ELF3: variants seen among roughly 807,000 people sequenced by gnomAD.
The protein encoded by ELF3 is E74 like ETS transcription factor 3.
A neutral mutation model predicts 43.9 loss-of-function variants in ELF3; 18 were observed. The ratio of observed to expected loss-of-function variants is 0.41; its 90% CI spans 0.28 to 0.61. The LOEUF is 0.61. Among genes scored for constraint, ELF3 ranks in the 20% least tolerant of loss-of-function variants. ELF3 has a pLI of 0.30. For missense variants in ELF3, 373 were observed against 487.7 expected, an observed-to-expected ratio of 0.76 and a Z score of 2.21; for synonymous variants, 181 against 190.2, an observed-to-expected ratio of 0.95 and a Z score of 0.40.
At position 202,012,938 on chromosome 1, in the gene ELF3, GC is replaced by G. The variant is rs570301487; in HGVS notation, c.599-3del. ...CCGGCAGGGGACTTACTCTGACCCCGCCCCCCAGGGACTGGTGCTTCTCGGA... is the reference window on the plus strand; with the variant it reads ...CCGGCAGGGGACTTACTCTGACCCCGCCCCCAGGGACTGGTGCTTCTCGGA... On this transcript the variant is annotated splice_region_variant and splice_polypyrimidine_tract_variant and intron_variant, in intron 5 of 8. Transcript: ENST00000367284. The surrounding 1 kb of genome is among the most constrained non-coding windows in gnomAD (Gnocchi z 4.2). The G allele has an allele frequency of 7.2e-3, 11,515 of 1,604,608 alleles. 53 individuals carry two copies. Among genetic ancestry groups the G allele is most frequent in the Non-Finnish European group, 8.7e-3 (10,223 of 1,175,668 alleles).
chr1:202,016,353 A>G lies in ELF3; in HGVS notation c.*1030A>G, dbSNP rs1684309604. ...GTCCTGTTTAGGACTGATTTTTCCT[A>G]TTAGGCTAGGGTTTGGACCTGATGT... On this transcript the variant is annotated 3_prime_UTR_variant, in exon 9 of 9. Coordinates refer to ENST00000367284, the MANE Select transcript of ELF3 (RefSeq NM_004433.5). The G allele has an allele frequency of 6.6e-6, 1 of 152,148 alleles. No individual in the cohort carries two copies. The highest frequency in any genetic ancestry group is 1.9e-4 in the East Asian group (1 of 5,192). 9.4% of individuals were successfully genotyped at this position (152,148 alleles called of 1,614,324 possible).
Position 202,015,496 on chromosome 1 carries a change from A to G in ELF3, c.*173A>G, listed in dbSNP as rs576633756. ...GCCATCGTCCTGGGACTCGGAGACT[A>G]TGGCCTCGCCTCCCCACCCTCCTCT... is the stretch of plus-strand genomic sequence containing the variant. On this transcript the variant is annotated 3_prime_UTR_variant, in exon 9 of 9. Transcript: ENST00000367284. 2.3e-5 allele frequency: 15 copies of G among 646,066 alleles called. No individual in the cohort carries two copies. The highest frequency in any genetic ancestry group is 8.4e-5 in the East Asian group (3 of 35,814). The allele number at this position is 646,066 out of a possible 1,614,324, so 40.0% of individuals were successfully genotyped here.
chr1:202,012,676 AC>A lies in ELF3; in HGVS notation c.516del (p.Asp172GlufsTer82). 1 of 1,609,206 alleles carries A rather than the reference AC, an allele frequency of 6.2e-7. No homozygotes were observed. The highest frequency in any genetic ancestry group is 8.5e-7 in the Non-Finnish European group (1 of 1,177,894). ...GSPFAQELLD[D>X]GQQASPYHPG... ...CCCTTTGCCCAGGAGCTGCTGGACG[AC>A]GGTCAGCAAGCCAGCCCCTACCACC... On this transcript the variant is annotated frameshift_variant, in exon 5 of 9. Coordinates refer to ENST00000367284, the MANE Select transcript of ELF3 (RefSeq NM_004433.5). LOFTEE classifies it high-confidence loss of function. This position sits in a 1 kb window ranked among gnomAD's most constrained non-coding sequence, Gnocchi z 4.2.
At position 202,013,428 on chromosome 1, in the gene ELF3, C is replaced by A; in HGVS notation, c.805+130C>A. ...GCATGGCCTTTGGTAAGGCTGTGCACAAGCTGGGGGCTCTATGGTATCGGT... is the reference window on the plus strand; with the variant it reads ...GCATGGCCTTTGGTAAGGCTGTGCAAAAGCTGGGGGCTCTATGGTATCGGT... On this transcript the variant is annotated intron_variant, in intron 7 of 8. Transcript: ENST00000367284. This position sits in a 1 kb window ranked among gnomAD's most constrained non-coding sequence, Gnocchi z 5.7. 3 of 912,802 alleles carry A rather than the reference C, an allele frequency of 3.3e-6. No individual in the cohort carries two copies. The highest frequency in any genetic ancestry group is 5.1e-6 in the Non-Finnish European group (3 of 586,804). 56.5% of individuals were successfully genotyped at this position (912,802 alleles called of 1,614,324 possible). A position where few individuals can be genotyped will look rare whatever the true frequency, so the allele number is the denominator to read the frequency against.
At position 202,015,536 on chromosome 1, in the gene ELF3, C is replaced by T; in HGVS notation, c.*213C>T. On this transcript the variant is annotated 3_prime_UTR_variant, in exon 9 of 9. Transcript: ENST00000367284. ...CACCCTCCTCTTGGAATTACAAGCC[C>T]TGGGGTTTGAAGCTGACTTTATAGC... is the stretch of plus-strand genomic sequence containing the variant. 1 of 570,462 alleles carries T rather than the reference C, an allele frequency of 1.8e-6. No individual in the cohort carries two copies. Among genetic ancestry groups the T allele is most frequent in the Non-Finnish European group, 3.1e-6 (1 of 319,228 alleles). The allele number at this position is 570,462 out of a possible 1,614,324, so 35.3% of individuals were successfully genotyped here. A position where few individuals can be genotyped will look rare whatever the true frequency, so the allele number is the denominator to read the frequency against.
chr1:202,012,466 A>G lies in ELF3; in HGVS notation c.478+30A>G, dbSNP rs1684225105. 6.2e-7 allele frequency: 1 copy of G among 1,611,168 alleles called. No homozygotes were observed. Among genetic ancestry groups the G allele is most frequent in the Admixed American group, 1.7e-5 (1 of 59,746 alleles). ...GAACCCGTTTTCTCCTTCCTTCCCC[A>G]GCCTGTCTTGTCCCATCCCTGCCCC... On this transcript the variant is annotated intron_variant, in intron 4 of 8. Coordinates refer to ENST00000367284, the MANE Select transcript of ELF3 (RefSeq NM_004433.5). This position sits in a 1 kb window ranked among gnomAD's most constrained non-coding sequence, Gnocchi z 4.2.
Position 202,015,702 on chromosome 1 carries a change from G to T in ELF3, c.*379G>T. 1 of 228,758 alleles carries T rather than the reference G, an allele frequency of 4.4e-6. No homozygotes were observed. Among genetic ancestry groups the T allele is most frequent in the South Asian group, 8.1e-5 (1 of 12,416 alleles). 14.2% of individuals were successfully genotyped at this position (228,758 alleles called of 1,614,324 possible). A position where few individuals can be genotyped will look rare whatever the true frequency, so the allele number is the denominator to read the frequency against. ...CCTAGGGGAGCACCGTGATGGAGAG[G>T]ACAGAGCAGGGGCTCCAGCACCTTC... On this transcript the variant is annotated 3_prime_UTR_variant, in exon 9 of 9. Transcript: ENST00000367284.
In ELF3 at chr1:202,013,330, C is replaced by T. The variant is rs767386309; in HGVS notation, c.805+32C>T. 14 of 1,601,342 alleles carry T rather than the reference C, an allele frequency of 8.7e-6. No homozygotes were observed. Among genetic ancestry groups the T allele is most frequent in the Admixed American group, 1.7e-5 (1 of 59,120 alleles). On this transcript the variant is annotated intron_variant, in intron 7 of 8. Coordinates refer to ENST00000367284, the MANE Select transcript of ELF3 (RefSeq NM_004433.5). The surrounding 1 kb of genome is among the most constrained non-coding windows in gnomAD (Gnocchi z 5.7). ...TCCGGGGGCACGTGGGTCCTCCCTG[C>T]GCCGGGCTGAGCGGCTTCCTGGGGC...
Position 202,012,263 on chromosome 1 carries a change from G to A in ELF3, c.386-81G>A. 1 of 1,604,162 alleles carries A rather than the reference G, an allele frequency of 6.2e-7. No homozygotes were observed. The highest frequency in any genetic ancestry group is 8.5e-7 in the Non-Finnish European group (1 of 1,173,324). On this transcript the variant is annotated intron_variant, in intron 3 of 8. Coordinates refer to ENST00000367284, the MANE Select transcript of ELF3 (RefSeq NM_004433.5). The surrounding 1 kb of genome is among the most constrained non-coding windows in gnomAD (Gnocchi z 4.2). ...AGTGTGGCCGTAGGCAGGCCCTGGA[G>A]CTCTGGGCCAGCTGCACAGCCAGAG...
At position 202,013,526 on chromosome 1, in the gene ELF3, C is replaced by T. The variant is rs1438518542; in HGVS notation, c.805+228C>T. Among the ~76,000 whole-genome samples, 2 of 152,196 alleles carry T rather than the reference C, an allele frequency of 1.3e-5. No homozygotes were observed. Among genetic ancestry groups the T allele is most frequent in the Admixed American group, 1.3e-4 (2 of 15,274 alleles). On this transcript the variant is annotated intron_variant, in intron 7 of 8. Transcript: ENST00000367284. This position sits in a 1 kb window ranked among gnomAD's most constrained non-coding sequence, Gnocchi z 5.7. ...GAAATAAGGCTCCCAGTGGGAGGCT[C>T]ATGGTACCAGAGTCCTGTCCACTGA...
Position 202,012,087 on chromosome 1 carries a change from T to C in ELF3, c.294T>C (p.Asp98=), listed in dbSNP as rs749073376. ...SAIDFSRCDM[D]GATLCNCALE... is the part of the protein sequence containing the mutation. Reference sequence around the variant, plus strand: ...TTGACTTCTCACGATGTGACATGGATGGCGCCACCCTCTGCAATTGTGCCC... The same window carrying C: ...TTGACTTCTCACGATGTGACATGGACGGCGCCACCCTCTGCAATTGTGCCC... Residue 98 remains aspartate, a synonymous_variant, in exon 3 of 9, where the codon GAT becomes GAC. Transcript: ENST00000367284. This position sits in a 1 kb window ranked among gnomAD's most constrained non-coding sequence, Gnocchi z 4.2. 64 of 1,614,092 alleles carry C rather than the reference T, an allele frequency of 4.0e-5. No homozygotes were observed. The highest frequency in any genetic ancestry group is 1.6e-4 in the Middle Eastern group (1 of 6,074).
intron 2 of ELF3, chr1:202,011,747 G>A: frequency 1.7e-6 from 1 of 583,794 alleles, no homozygotes; most frequent in Non-Finnish European, 3.0e-6. Flanking sequence ...CGTGGTGGTG[G>A]GCACCTATAA....
Position 202,010,904 on chromosome 1 carries a change from G to A in ELF3, c.-9+198G>A, listed in dbSNP as rs1684178048. 1.9e-6 allele frequency: 1 copy of A among 534,986 alleles called. No individual in the cohort carries two copies. Among genetic ancestry groups the A allele is most frequent in the Non-Finnish European group, 3.3e-6 (1 of 302,098 alleles). 33.1% of individuals were successfully genotyped at this position (534,986 alleles called of 1,614,324 possible). A position where few individuals can be genotyped will look rare whatever the true frequency, so the allele number is the denominator to read the frequency against. Reference sequence around the variant, plus strand: ...CATGACGCCGCTAGTCTGGCTCCAGGGCCCCAGAGATCTGAGGAGGGAAGC... The same window carrying A: ...CATGACGCCGCTAGTCTGGCTCCAGAGCCCCAGAGATCTGAGGAGGGAAGC... On this transcript the variant is annotated intron_variant, in intron 1 of 8. Transcript: ENST00000367284. This position sits in a 1 kb window ranked among gnomAD's most constrained non-coding sequence, Gnocchi z 4.3.
rs1684263823 is a variant in ELF3, at chr1:202,013,911, G to A, written c.888G>A (p.Glu296=). Residue 296 remains glutamate (E), a synonymous_variant, in exon 8 of 9, where the codon GAG becomes GAA. Transcript: ENST00000367284. This position sits in a 1 kb window ranked among gnomAD's most constrained non-coding sequence, Gnocchi z 5.7. The part of the protein sequence containing the change: ...PELNEGLMKW[E]NRHEGVFKFL... ...TCAACGAGGGCCTCATGAAGTGGGA[G>A]AATCGGCATGAAGGCGTCTTCAAGT... 6.2e-7 allele frequency: 1 copy of A among 1,614,036 alleles called. No individual in the cohort carries two copies. Among genetic ancestry groups the A allele is most frequent in the Admixed American group, 1.7e-5 (1 of 59,988 alleles).
In ELF3 at chr1:202,012,109, G is replaced by C. The variant is rs2102992207; in HGVS notation, c.316G>C (p.Ala106Pro). 1.2e-6 allele frequency: 2 copies of C among 1,614,134 alleles called. No individual in the cohort carries two copies. Among genetic ancestry groups the C allele is most frequent in the East Asian group, 4.5e-5 (2 of 44,882 alleles). ...GGATGGCGCCACCCTCTGCAATTGT[G>C]CCCTTGAGGAGCTGCGTCTGGTCTT... Reference protein sequence around the residue: ...DMDGATLCNCALEELRLVFGP... With the variant: ...DMDGATLCNCPLEELRLVFGP... The change falls in exon 3 of 9, where the codon GCC becomes CCC. Residue 106 changes from alanine to proline, a missense_variant. By Grantham distance (27) the Ala-to-Pro change is conservative. Coordinates refer to ENST00000367284, the MANE Select transcript of ELF3 (RefSeq NM_004433.5). The surrounding 1 kb of genome is among the most constrained non-coding windows in gnomAD (Gnocchi z 4.2).
intron 2 of ELF3, chr1:202,011,565 T>C (rs1161408600): frequency 8.1e-6 from 4 of 495,598 alleles, no homozygotes; most frequent in Non-Finnish European, 1.4e-5. Flanking sequence ...GAATCCCCAG[T>C]GTGCTCCAGG....
rs1571661266 is a variant in ELF3 at position 202,012,818 on chromosome 1, G to A, written c.598+59G>A. On this transcript the variant is annotated intron_variant, in intron 5 of 8. Transcript: ENST00000367284. The surrounding 1 kb of genome is among the most constrained non-coding windows in gnomAD (Gnocchi z 4.2). ...CCCGAAGTGTCCCTTGTTCCCTCTG[G>A]CTCCCAGCACCATAACTCAGGCCTT... 1.2e-5 allele frequency: 18 copies of A among 1,536,210 alleles called. No individual in the cohort carries two copies. Among genetic ancestry groups the A allele is most frequent in the Non-Finnish European group, 1.6e-5 (18 of 1,141,844 alleles).
chr1:202,011,328 C>T (rs367754181), intron 2 of ELF3, 29 bp downstream of exon 2: 13 of 1,529,838 alleles, frequency 8.5e-6, no homozygotes, highest in Admixed American at 6.0e-5. Flanking sequence ...GGATGGGGCA[C>T]GGAGTGGGAG....
chr1:202,015,283 G>A lies in ELF3; in HGVS notation c.1076G>A (p.Ser359Asn). The change falls in exon 9 of 9, where the codon AGC becomes AAC. Residue 359 changes from serine (S) to asparagine (N), a missense_variant. Physicochemically the swap from Ser to Asn is conservative, Grantham distance 46 (BLOSUM62 1). Transcript: ENST00000367284. ...RLVYKFGKNSSGWKEEEVLQS... is the reference protein window; with the variant it reads ...RLVYKFGKNSNGWKEEEVLQS... Reference sequence around the variant, plus strand: ...GTCTACAAGTTTGGCAAAAACTCAAGCGGCTGGAAGGAGGAAGAGGTTCTC... The same window carrying A: ...GTCTACAAGTTTGGCAAAAACTCAAACGGCTGGAAGGAGGAAGAGGTTCTC... The A allele has an allele frequency of 6.2e-7, 1 of 1,614,146 alleles. No individual in the cohort carries two copies. The highest frequency in any genetic ancestry group is 8.5e-7 in the Non-Finnish European group (1 of 1,180,030).
Sources: gnomAD v4.1 joint callset for allele counts (sites outside exome capture counted in the v4.1 genomes callset) on GRCh38, gnomAD v4.1.1 for gene constraint, Gnocchi (gnomAD v3.1) non-coding constraint, MANE v1.5 for transcripts, NCBI Gene and HGNC (gene_info 2026-07-23, HGNC 2026-07-21) for gene names.